ODF4: variants seen among roughly 807,000 people sequenced by gnomAD.
The protein encoded by ODF4 is outer dense fiber of sperm tails 4.
A neutral mutation model predicts 17.0 loss-of-function variants in ODF4; 11 were observed. That is an observed-to-expected ratio of 0.65 (90% confidence interval 0.41 to 1.07). The LOEUF is 1.07. Ranked by LOEUF, ODF4 falls within the 50% of genes least tolerant of loss-of-function variation. ODF4 has a pLI of 0.00. For missense variants in ODF4, 281 were observed against 310.2 expected (o/e 0.91, Z 0.71); for synonymous variants, 127 against 121.8 (o/e 1.04, Z -0.28).
Position 8,345,698 on chromosome 17 carries a change from T to C in ODF4, c.620T>C (p.Phe207Ser). 6.2e-7 allele frequency: 1 copy of C among 1,614,156 alleles called. No individual in the cohort carries two copies. The highest frequency in any genetic ancestry group is 8.5e-7 in the Non-Finnish European group (1 of 1,180,018). Residue 207 changes from phenylalanine (F) to serine (S), a missense_variant, in exon 3 of 3, where the codon TTC becomes TCC. Coordinates refer to ENST00000328248, the MANE Select transcript of ODF4 (RefSeq NM_153007.5). This position sits in a 1 kb window ranked among gnomAD's most constrained non-coding sequence, Gnocchi z 4.1. ...AILCYFNHKS[F>S]WSLILSHPSG... Reference sequence around the variant, plus strand: ...CTTTGCTACTTCAACCATAAAAGTTTCTGGAGTCTGATTCTGAGCCACCCC... The same window carrying C: ...CTTTGCTACTTCAACCATAAAAGTTCCTGGAGTCTGATTCTGAGCCACCCC...
rs772776265 is a variant in ODF4 at position 8,340,364 on chromosome 17, C to G, written c.313C>G (p.Leu105Val). The change falls in exon 1 of 3, where the codon CTG becomes GTG. Residue 105 changes from leucine (L) to valine (V), a missense_variant. Coordinates refer to ENST00000328248, the MANE Select transcript of ODF4 (RefSeq NM_153007.5). ...LLVVAFSKKW[L>V]DLSRSLFYQR... ...GGTCGTGGCCTTCTCCAAGAAATGG[C>G]TGGACCTCTCTAGGAGCCTCTTCTA... 4 of 1,612,944 alleles carry G rather than the reference C, an allele frequency of 2.5e-6. No homozygotes were observed. In the East Asian group the frequency reaches 8.9e-5, roughly 36 times the overall value.
chr17:8,345,265 C>T lies in ODF4; in HGVS notation c.455-78C>T, dbSNP rs1906187572. The T allele has an allele frequency of 7.4e-7, 1 of 1,359,336 alleles. No individual in the cohort carries two copies. Among genetic ancestry groups the T allele is most frequent in the African/African-American group, 1.4e-5 (1 of 69,976 alleles). The allele number at this position is 1,359,336 out of a possible 1,614,324, so 84.2% of individuals were successfully genotyped here. ...CTGTGTGTGGTGATGTGGTTTGTGG[C>T]TGTAGCCTAGCAGATGAGGAAGAAC... On this transcript the variant is annotated intron_variant, in intron 1 of 2. Transcript: ENST00000328248. This position sits in a 1 kb window ranked among gnomAD's most constrained non-coding sequence, Gnocchi z 4.1.
chr17:8,340,523 C>A lies in ODF4; in HGVS notation c.454+18C>A, dbSNP rs773201617. ...TGGGAAAGGTGAGCCCCTCCACCCC[C>A]CATCCCAGCCCAGGCCGCCAGCCTG... On this transcript the variant is annotated intron_variant, in intron 1 of 2. Coordinates refer to ENST00000328248, the MANE Select transcript of ODF4 (RefSeq NM_153007.5). 3.3e-6 allele frequency: 5 copies of A among 1,504,354 alleles called. No individual in the cohort carries two copies. The highest frequency in any genetic ancestry group is 2.8e-6 in the Non-Finnish European group (3 of 1,087,862). The allele number at this position is 1,504,354 out of a possible 1,614,324, so 93.2% of individuals were successfully genotyped here.
chr17:8,340,562 A>G (rs985695268), intron 1 of ODF4, 57 bp downstream of exon 1: 3 of 1,002,712 alleles, frequency 3.0e-6, no homozygotes, highest in Non-Finnish European at 4.6e-6. Flanking sequence ...TGGCCTCTGT[A>G]TCTGCACCCT....
intron 1 of ODF4, among the ~76,000 whole-genome samples, chr17:8,341,454 C>T (rs1046870126): frequency 6.6e-6 from 1 of 152,096 alleles, no homozygotes; most frequent in South Asian, 2.1e-4. Context: ...TCCCTGAATT[C>T]TTGCAGCTGC....
chr17:8,342,110 T>C (rs1906043083), intron 1 of ODF4, among the ~76,000 whole-genome samples: 1 of 152,146 alleles, frequency 6.6e-6, no homozygotes. Flanking sequence ...GCTTTTCACC[T>C]ACAAAAGGAG....
At chr17:8,343,134 A>ATTTTTTT (rs67338704) in intron 1 of ODF4, among the ~76,000 whole-genome samples, 1 of 141,284 alleles carries the variant, frequency 7.1e-6, no homozygotes. Flanking sequence ...CTTATTGGAC[A>ATTTTTTT]TTTTTTTTTT....
At chr17:8,341,848 T>C (rs1906035115) in intron 1 of ODF4, among the ~76,000 whole-genome samples, 1 of 152,194 alleles carries the variant, frequency 6.6e-6, no homozygotes, top group South Asian at 2.1e-4. Context: ...AATATGAAAA[T>C]ATTCATATAA....
rs752903678 is a variant in ODF4 at position 8,340,199 on chromosome 17, C to T, written c.148C>T (p.Leu50Phe). The change falls in exon 1 of 3, where the codon CTC (leucine) becomes TTC (phenylalanine). Residue 50 changes from leucine (L) to phenylalanine (F), a missense_variant. Leu to Phe is a conservative substitution (Grantham distance 22, BLOSUM62 0). Transcript: ENST00000328248. Reference sequence around the variant, plus strand: ...AGATGGGAGACTGCTGTCCTCCACCCTCTCCCTCAGTAGTAACAGGTCCTT... The same window carrying T: ...AGATGGGAGACTGCTGTCCTCCACCTTCTCCCTCAGTAGTAACAGGTCCTT... Reference protein sequence around the residue: ...GQDGRLLSSTLSLSSNRSLGQ... With the variant: ...GQDGRLLSSTFSLSSNRSLGQ... 8.7e-6 allele frequency: 14 copies of T among 1,611,620 alleles called. No homozygotes were observed. Among genetic ancestry groups the T allele is most frequent in the Non-Finnish European group, 1.2e-5 (14 of 1,178,312 alleles).
intron 1 of ODF4, among the ~76,000 whole-genome samples, chr17:8,342,508 GC>G (rs375336960): frequency 0.35 from 52,603 of 151,962 alleles, 9,446 homozygotes; most frequent in African/African-American, 0.45. Flanking sequence ...CTCCCAAAGT[GC>G]CTCGGCTCAC....
Position 8,345,390 on chromosome 17 carries a change from A to G in ODF4, c.502A>G (p.Ile168Val), listed in dbSNP as rs1221752346. The G allele has an allele frequency of 1.7e-5, 28 of 1,613,500 alleles. No individual in the cohort carries two copies. The highest frequency in any genetic ancestry group is 2.2e-5 in the Non-Finnish European group (26 of 1,179,632). The change falls in exon 2 of 3, where the codon ATC becomes GTC. Residue 168 changes from isoleucine to valine, a missense_variant. Coordinates refer to ENST00000328248, the MANE Select transcript of ODF4 (RefSeq NM_153007.5). This position sits in a 1 kb window ranked among gnomAD's most constrained non-coding sequence, Gnocchi z 4.1. The stretch of plus-strand genomic sequence containing the variant: ...CATGCTATTCCCCATTAACATCTGG[A>G]TCTTCGAGTTGGAAAGGAATGTATC... ...TLMLFPINIW[I>V]FELERNVSIP...
chr17:8,341,912 G>A (rs1331918416), intron 1 of ODF4, among the ~76,000 whole-genome samples: 1 of 152,024 alleles, frequency 6.6e-6, no homozygotes, highest in Non-Finnish European at 1.5e-5. Context: ...TAAATTTGGG[G>A]AAACAAAAGC....
Position 8,345,726 on chromosome 17 carries a change from T to A in ODF4, c.648T>A (p.Ser216Arg), listed in dbSNP as rs1268079205. Residue 216 changes from serine to arginine, a missense_variant, in exon 3 of 3, where the codon AGT (serine) becomes AGA (arginine). Transcript: ENST00000328248. The surrounding 1 kb of genome is among the most constrained non-coding windows in gnomAD (Gnocchi z 4.1). ...SFWSLILSHPSGAVSCSSSFG... is the reference protein window; with the variant it reads ...SFWSLILSHPRGAVSCSSSFG... ...GGAGTCTGATTCTGAGCCACCCCAG[T>A]GGTGCCGTGTCCTGCAGCAGCAGTT... 6.2e-7 allele frequency: 1 copy of A among 1,614,138 alleles called. No homozygotes were observed. Among genetic ancestry groups the A allele is most frequent in the South Asian group, 1.1e-5 (1 of 91,078 alleles).
chr17:8,339,850 G>T lies in ODF4; in HGVS notation c.-202G>T. 2.7e-6 allele frequency: 1 copy of T among 376,186 alleles called. No homozygotes were observed. The highest frequency in any genetic ancestry group is 4.7e-6 in the Non-Finnish European group (1 of 212,340). 23.3% of individuals were successfully genotyped at this position (376,186 alleles called of 1,614,324 possible). On this transcript the variant is annotated 5_prime_UTR_variant, in exon 1 of 3. The change creates a new upstream start codon in the 5' untranslated region. Coordinates refer to ENST00000328248, the MANE Select transcript of ODF4 (RefSeq NM_153007.5). ...CCCCAGGAAAATTCCGTGGCAGTTA[G>T]GGGACCTGGCCTGCTGAATGGGTTG... is the stretch of plus-strand genomic sequence containing the variant.
rs1024720234 is a variant in ODF4 at position 8,344,738 on chromosome 17, C to T, written c.455-605C>T. 6 of 291,586 alleles carry T rather than the reference C, an allele frequency of 2.1e-5. No individual in the cohort carries two copies. In the South Asian group the frequency reaches 4.0e-4, roughly 19 times the overall value. 18.1% of individuals were successfully genotyped at this position (291,586 alleles called of 1,614,324 possible). ...TCCTGACCTTGTGATCCACCTGCCTCGGCCTCCCAACGTGCTAGGATTACA... is the reference window on the plus strand; with the variant it reads ...TCCTGACCTTGTGATCCACCTGCCTTGGCCTCCCAACGTGCTAGGATTACA... On this transcript the variant is annotated intron_variant, in intron 1 of 2. Coordinates refer to ENST00000328248, the MANE Select transcript of ODF4 (RefSeq NM_153007.5).
intron 1 of ODF4, among the ~76,000 whole-genome samples, chr17:8,344,335 A>C (rs918274): frequency 0.54 from 67,768 of 125,874 alleles, 26,291 homozygotes; most frequent in Admixed American, 0.68. Context: ...AGTCCTCTGT[A>C]CATTTTTTCT....
At chr17:8,341,618 C>T (rs537460415) in intron 1 of ODF4, among the ~76,000 whole-genome samples, 4 of 152,186 alleles carry the variant, frequency 2.6e-5, no homozygotes, top group South Asian at 2.1e-4. Context: ...CTTTAACTTC[C>T]GGAGAAGCTC....
Position 8,345,237 on chromosome 17 carries a change from A to T in ODF4, c.455-106A>T, listed in dbSNP as rs1170153269. 9.4e-7 allele frequency: 1 copy of T among 1,058,384 alleles called. No individual in the cohort carries two copies. The highest frequency in any genetic ancestry group is 1.4e-6 in the Non-Finnish European group (1 of 719,570). The allele number at this position is 1,058,384 out of a possible 1,614,324, so 65.6% of individuals were successfully genotyped here. A position where few individuals can be genotyped will look rare whatever the true frequency, so the allele number is the denominator to read the frequency against. ...GACTCCTGGAACCTCAGGGCCAGTC[A>T]CTCTGTGTGTGGTGATGTGGTTTGT... On this transcript the variant is annotated intron_variant, in intron 1 of 2. Coordinates refer to ENST00000328248, the MANE Select transcript of ODF4 (RefSeq NM_153007.5). This position sits in a 1 kb window ranked among gnomAD's most constrained non-coding sequence, Gnocchi z 4.1.
chr17:8,342,071 T>C (rs1906042320), intron 1 of ODF4, among the ~76,000 whole-genome samples: 1 of 152,042 alleles, frequency 6.6e-6, no homozygotes, highest in South Asian at 2.1e-4. Context: ...CTATTTAGAT[T>C]GAACCAAATG....
Sources: allele counts gnomAD v4.1 joint callset (sites outside exome capture counted in the v4.1 genomes callset), GRCh38; gene constraint gnomAD v4.1.1; non-coding constraint Gnocchi (gnomAD v3.1); transcripts MANE v1.5; gene names NCBI Gene and HGNC (gene_info 2026-07-23, HGNC 2026-07-21).